Variants in SLCO1A2 observed in about 807,000 individuals in gnomAD.
SLCO1A2 encodes the protein solute carrier organic anion transporter family member 1A2.
SLCO1A2 carries 67 observed loss-of-function variants against 69.0 expected under a neutral mutation model. The observed-to-expected ratio is 0.97, with a 90% confidence interval of 0.80 to 1.19. The LOEUF is 1.19. SLCO1A2 is among the 50% of genes most tolerant of loss of function. SLCO1A2 has a pLI of 0.00. For missense variants in SLCO1A2, 787 were observed against 793.7 expected, an observed-to-expected ratio of 0.99 and a Z score of 0.10; for synonymous variants, 260 against 265.9, an observed-to-expected ratio of 0.98 and a Z score of 0.22.
In SLCO1A2 at chr12:21,314,543, A is replaced by C. The variant is rs761907432; in HGVS notation, c.335+6T>G. ...CCACCCAAAATTATCAGACTGGAGT[A>C]CTTACTGGTTCATGAGGAAATGAGG... On this transcript the variant is annotated splice_donor_region_variant and intron_variant, in intron 4 of 14. Transcript: ENST00000683939. 5.0e-6 allele frequency: 8 copies of C among 1,613,590 alleles called. No individual in the cohort carries two copies. The highest frequency in any genetic ancestry group is 1.6e-4 in the Middle Eastern group (1 of 6,084).
At chr12:21,280,684 A>G (rs1412680751) in intron 12 of SLCO1A2, among the ~76,000 whole-genome samples, 1 of 151,420 alleles carries the variant, frequency 6.6e-6, no homozygotes, top group East Asian at 1.9e-4. Flanking sequence ...AGACCAAAAA[A>G]AAAAATAAAT....
chr12:21,271,967 A>G (rs1161709214), intron 14 of SLCO1A2, among the ~76,000 whole-genome samples: 1 of 151,188 alleles, frequency 6.6e-6, no homozygotes, highest in Non-Finnish European at 1.5e-5. Flanking sequence ...TTTCTTATTC[A>G]GTGCTTTCAT....
At chr12:21,330,664 T>A (rs945011530) in intron 2 of SLCO1A2, among the ~76,000 whole-genome samples, 1 of 152,148 alleles carries the variant, frequency 6.6e-6, no homozygotes, top group Non-Finnish European at 1.5e-5. Context: ...AAAAAGATTA[T>A]AGAATTCAAA....
chr12:21,304,524 G>GCCTA lies in SLCO1A2; in HGVS notation c.488_491dup (p.Asn165ArgfsTer9), dbSNP rs756764472. ...TTTCACCCATTCCACGTACAATATTGCCTACTAGGACGTACACCCACATTA... is the reference window on the plus strand; with the variant it reads ...TTTCACCCATTCCACGTACAATATTGCCTACCTACTAGGACGTACACCCACATTA... On this transcript the variant is annotated frameshift_variant, in exon 6 of 15. Coordinates refer to ENST00000683939, the MANE Select transcript of SLCO1A2 (RefSeq NM_001386879.1). LOFTEE classifies it high-confidence loss of function. 3.7e-6 allele frequency: 6 copies of GCCTA among 1,612,442 alleles called. No individual in the cohort carries two copies. In the South Asian group the frequency reaches 6.6e-5, roughly 18 times the overall value.
chr12:21,343,212 G>A (rs1357861361), intron 2 of SLCO1A2, among the ~76,000 whole-genome samples: 2 of 152,120 alleles, frequency 1.3e-5, no homozygotes, highest in African/African-American at 4.8e-5. Flanking sequence ...CTTGGGCCAT[G>A]GAGACATGGT....
rs748741294 is a variant in SLCO1A2, at chr12:21,267,240, C to T, written c.*2308G>A. ...CCTCCATGAGGGGATAAAAGTGATG[C>T]CAAGGTACTAAGTCCATAGCCATGT... On this transcript the variant is annotated 3_prime_UTR_variant, in exon 15 of 15. Transcript: ENST00000683939. 6.6e-6 allele frequency: 1 copy of T among 151,968 alleles called. No homozygotes were observed. Among genetic ancestry groups the T allele is most frequent in the Non-Finnish European group, 1.5e-5 (1 of 68,010 alleles). 9.4% of individuals were successfully genotyped at this position (151,968 alleles called of 1,614,324 possible).
intron 2 of SLCO1A2, among the ~76,000 whole-genome samples, chr12:21,357,839 A>G (rs1187036723): frequency 2.0e-5 from 3 of 152,240 alleles, no homozygotes; most frequent in African/African-American, 7.2e-5. Flanking sequence ...TGAAAACAGT[A>G]TTAGAAAACA....
upstream of SLCO1A2, among the ~76,000 whole-genome samples, chr12:21,398,447 C>G (rs1941559826): frequency 7.2e-6 from 1 of 139,318 alleles, no homozygotes; most frequent in South Asian, 2.4e-4. Context: ...ACCAGAGGTA[C>G]AAGGAGGAAC....
intron 1 of SLCO1A2, among the ~76,000 whole-genome samples, chr12:21,388,403 G>A (rs1478629240): frequency 2.0e-5 from 3 of 152,090 alleles, no homozygotes; most frequent in Non-Finnish European, 4.4e-5. Flanking sequence ...TTGAATCATG[G>A]GGGCGGTTTT....
At chr12:21,342,439 A>C (rs1348873476) in intron 2 of SLCO1A2, among the ~76,000 whole-genome samples, 1 of 152,056 alleles carries the variant, frequency 6.6e-6, no homozygotes, top group Non-Finnish European at 1.5e-5. Context: ...TACACTTTTA[A>C]AATATTTTAA....
At chr12:21,294,223 A>T (rs2136334571) in intron 10 of SLCO1A2, 113 bp from the exon 11 acceptor site, 2 of 867,126 alleles carry the variant, frequency 2.3e-6, no homozygotes, top group East Asian at 5.7e-5. Context: ...ATAGAAAGAG[A>T]AATTTTCCAG....
intron 1 of SLCO1A2, among the ~76,000 whole-genome samples, chr12:21,387,538 G>T (rs750755984): frequency 1.3e-5 from 2 of 152,188 alleles, no homozygotes; most frequent in East Asian, 3.9e-4. Flanking sequence ...GGCAGCTTCC[G>T]TATGGTATTG....
Position 21,274,702 on chromosome 12 carries a change from T to C in SLCO1A2, c.1676-116A>G. The C allele has an allele frequency of 3.8e-6, 3 of 780,548 alleles. No homozygotes were observed. In the South Asian group the frequency reaches 5.8e-5, roughly 15 times the overall value. The allele number at this position is 780,548 out of a possible 1,614,324, so 48.4% of individuals were successfully genotyped here. ...AAAGTTTATCAAAACATAAATCTAA[T>C]GGTCTAAATTTTATTTTTAGAAATG... is the stretch of plus-strand genomic sequence containing the variant. On this transcript the variant is annotated intron_variant, in intron 13 of 14. Transcript: ENST00000683939.
intron 12 of SLCO1A2, among the ~76,000 whole-genome samples, chr12:21,282,594 A>G (rs992238285): frequency 2.0e-5 from 3 of 152,154 alleles, no homozygotes; most frequent in African/African-American, 7.2e-5. Context: ...AGCTAGAGCA[A>G]TCAGACAAGA....
At chr12:21,342,132 A>G (rs1042934689) in intron 2 of SLCO1A2, among the ~76,000 whole-genome samples, 4 of 152,086 alleles carry the variant, frequency 2.6e-5, no homozygotes, top group Non-Finnish European at 5.9e-5. Flanking sequence ...CAGGAAGCAT[A>G]AAGAGCACTG....
chr12:21,418,646 T>C (rs144048434), upstream of SLCO1A2, among the ~76,000 whole-genome samples: 17 of 152,226 alleles, frequency 1.1e-4, no homozygotes, highest in African/African-American at 4.1e-4. Context: ...AACAGTATGA[T>C]GGAAACTGCC....
intron 12 of SLCO1A2, among the ~76,000 whole-genome samples, chr12:21,276,565 C>A (rs1180264230): frequency 1.4e-4 from 19 of 138,476 alleles, no homozygotes; most frequent in African/African-American, 2.1e-4. Context: ...CCAAAAAAAA[C>A]CTTTGTAAGA....
At chr12:21,371,529 A>C (rs2137085948) in intron 2 of SLCO1A2, among the ~76,000 whole-genome samples, 1 of 152,300 alleles carries the variant, frequency 6.6e-6, no homozygotes, top group Non-Finnish European at 1.5e-5. Flanking sequence ...ACCTTCAAAC[A>C]ATGTTACAAA....
intron 2 of SLCO1A2, chr12:21,373,304 C>T: frequency 8.1e-7 from 1 of 1,235,944 alleles, no homozygotes; most frequent in East Asian, 2.3e-5. Context: ...TGTAAGAAAT[C>T]TCTTGATTTC....
Sources: gnomAD v4.1 joint callset for allele counts (sites outside exome capture counted in the v4.1 genomes callset) on GRCh38, gnomAD v4.1.1 for gene constraint, MANE v1.5 for transcripts, NCBI Gene and HGNC (gene_info 2026-07-23, HGNC 2026-07-21) for gene names.